Variants in EPHA3 observed in about 807,000 individuals in gnomAD.
EPHA3 encodes EPH receptor A3, also known as ephrin type-A receptor 3.
EPHA3 carries 42 observed loss-of-function variants against 107.1 expected under a neutral mutation model. The observed-to-expected ratio is 0.39, with a 90% CI of 0.31 to 0.51. The LOEUF is 0.51. Ranked by LOEUF, EPHA3 falls within the 20% of genes least tolerant of loss-of-function variation. The pLI is 0.78. For missense variants in EPHA3, 1,183 were observed against 1,211.2 expected, an observed-to-expected ratio of 0.98 and a Z score of 0.35; for synonymous variants, 461 against 424.8, an observed-to-expected ratio of 1.09 and a Z score of -1.05.
chr3:89,159,159 C>G (rs902908327), intron 2 of EPHA3, among the ~76,000 whole-genome samples: 3 of 151,998 alleles, frequency 2.0e-5, no homozygotes, highest in African/African-American at 7.2e-5. Flanking sequence ...TATCAAATAT[C>G]TACTAGGCAT....
At chr3:89,255,154 T>C (rs778496706) in intron 3 of EPHA3, among the ~76,000 whole-genome samples, 1 of 152,334 alleles carries the variant, frequency 6.6e-6, no homozygotes, top group Non-Finnish European at 1.5e-5. Context: ...AAAATTCTTA[T>C]ATATAGCATA....
chr3:89,198,448 C>G (rs971243245), intron 2 of EPHA3, among the ~76,000 whole-genome samples: 1 of 152,086 alleles, frequency 6.6e-6, no homozygotes, highest in Non-Finnish European at 1.5e-5. Context: ...AACACAGGGT[C>G]TTTTATCTCT....
intron 5 of EPHA3, among the ~76,000 whole-genome samples, chr3:89,363,471 T>C (rs1708134432): frequency 6.6e-6 from 1 of 150,818 alleles, no homozygotes; most frequent in Non-Finnish European, 1.5e-5. Flanking sequence ...CTCTATTTTT[T>C]CTCTTAAGGC....
At chr3:89,408,788 G>A (rs1709103546) in intron 9 of EPHA3, among the ~76,000 whole-genome samples, 1 of 151,976 alleles carries the variant, frequency 6.6e-6, no homozygotes, top group South Asian at 2.1e-4. Context: ...GCTCAGCTTA[G>A]TGTGGCAATT....
At chr3:89,294,652 A>C (rs1173342714) in intron 3 of EPHA3, among the ~76,000 whole-genome samples, 1 of 150,134 alleles carries the variant, frequency 6.7e-6, no homozygotes, top group East Asian at 2.0e-4. Flanking sequence ...CAGGCATTTT[A>C]GTTTTTATCT....
At chr3:89,146,875 C>T (rs1243256987) in intron 2 of EPHA3, among the ~76,000 whole-genome samples, 1 of 151,658 alleles carries the variant, frequency 6.6e-6, no homozygotes, top group East Asian at 1.9e-4. Context: ...AGCCAGTTTT[C>T]CCAACAACAC....
At chr3:89,225,349 G>C (rs1190941773) in intron 3 of EPHA3, among the ~76,000 whole-genome samples, 1 of 152,016 alleles carries the variant, frequency 6.6e-6, no homozygotes, top group Non-Finnish European at 1.5e-5. Context: ...TGGTGTGTTC[G>C]AAACAATTTT....
chr3:89,344,623 G>T (rs1205177472), intron 5 of EPHA3, among the ~76,000 whole-genome samples: 3 of 152,068 alleles, frequency 2.0e-5, no homozygotes, highest in Non-Finnish European at 4.4e-5. Flanking sequence ...TGGACTGGTA[G>T]CCTTGAAAAA....
intron 7 of EPHA3, among the ~76,000 whole-genome samples, chr3:89,405,723 C>G (rs1709045083): frequency 6.6e-6 from 1 of 152,126 alleles, no homozygotes; most frequent in Non-Finnish European, 1.5e-5. Flanking sequence ...CTAAAATCTG[C>G]TCTTCTTTTG....
chr3:89,207,693 G>C (rs369740959), intron 2 of EPHA3, among the ~76,000 whole-genome samples: 17 of 151,920 alleles, frequency 1.1e-4, no homozygotes, highest in East Asian at 9.7e-4. Context: ...AAAAATGTAG[G>C]AACACATTTA....
intron 3 of EPHA3, among the ~76,000 whole-genome samples, chr3:89,215,086 A>T (rs980434937): frequency 6.6e-6 from 1 of 151,870 alleles, no homozygotes; most frequent in Non-Finnish European, 1.5e-5. Flanking sequence ...AGAAAAAGAA[A>T]AATATATCTG....
chr3:89,374,421 T>G (rs1216500541), intron 5 of EPHA3, among the ~76,000 whole-genome samples: 2 of 151,616 alleles, frequency 1.3e-5, no homozygotes, highest in Admixed American at 1.3e-4. Flanking sequence ...ACCTCTATTT[T>G]CCACCATCTC....
At position 89,110,364 on chromosome 3, in the gene EPHA3, A is replaced by G. The variant is rs566988095; in HGVS notation, c.88+2528A>G. On this transcript the variant is annotated intron_variant, in intron 1 of 16. Transcript: ENST00000336596. ...TTGCAGTTGTGTGATGTGTTTTTTA[A>G]TTTAAGATTTAATCATTAAACATCA... Among the ~76,000 whole-genome samples, 177 of 152,070 alleles carry G rather than the reference A, an allele frequency of 1.2e-3. 2 individuals are homozygous for G. Among genetic ancestry groups the G allele is most frequent in the African/African-American group, 4.0e-3 (166 of 41,566 alleles).
At chr3:89,153,316 T>C (rs1187023422) in intron 2 of EPHA3, among the ~76,000 whole-genome samples, 1 of 152,086 alleles carries the variant, frequency 6.6e-6, no homozygotes, top group Non-Finnish European at 1.5e-5. Context: ...GGGTCCTTCT[T>C]CATTGACTTT....
intron 3 of EPHA3, among the ~76,000 whole-genome samples, chr3:89,275,647 C>A (rs1705786739): frequency 2.6e-5 from 4 of 152,040 alleles, no homozygotes; most frequent in Admixed American, 2.6e-4. Flanking sequence ...ACCAAATTTT[C>A]TCAGAAATAT....
chr3:89,434,287 G>A (rs1673416744), intron 13 of EPHA3, among the ~76,000 whole-genome samples: 1 of 151,918 alleles, frequency 6.6e-6, no homozygotes. Flanking sequence ...GCGCAGTGTC[G>A]GTTCACTGCA....
At chr3:89,210,641 C>A in intron 3 of EPHA3, 121 bp downstream of exon 3, 1 of 1,014,276 alleles carries the variant, frequency 9.9e-7, no homozygotes, top group Non-Finnish European at 1.4e-6. Context: ...CTCAAACTGA[C>A]CATAGTCTAT....
chr3:89,388,948 A>G (rs1708673938), intron 5 of EPHA3, among the ~76,000 whole-genome samples: 3 of 152,222 alleles, frequency 2.0e-5, no homozygotes, highest in Admixed American at 2.0e-4. Flanking sequence ...TGAAAATATT[A>G]AGCTGAAAGT....
At chr3:89,339,415 T>C (rs1396837592) in intron 3 of EPHA3, among the ~76,000 whole-genome samples, 1 of 151,464 alleles carries the variant, frequency 6.6e-6, no homozygotes, top group African/African-American at 2.4e-5. Context: ...TTATAATTGT[T>C]AGGGCAGTAG....
Sources: gnomAD v4.1 joint callset for allele counts (sites outside exome capture counted in the v4.1 genomes callset) on GRCh38, gnomAD v4.1.1 for gene constraint, MANE v1.5 for transcripts, NCBI Gene and HGNC (gene_info 2026-07-23, HGNC 2026-07-21) for gene names.